SNX33: variants seen among roughly 807,000 people sequenced by gnomAD.
SNX33 encodes the protein sorting nexin 33.
SNX33 carries 19 observed loss-of-function variants against 38.8 expected under a neutral mutation model. The ratio of observed to expected loss-of-function variants is 0.49; its 90% CI spans 0.34 to 0.72. The LOEUF (loss-of-function observed/expected upper bound fraction) is 0.72. Among genes scored for constraint, SNX33 ranks in the 30% least tolerant of loss-of-function variants. SNX33 has a pLI of 0.01. For synonymous variants in SNX33, 246 were observed against 289.7 expected (o/e 0.85, Z 1.53); for missense variants, 641 against 776.4 (o/e 0.83, Z 2.07).
Position 75,657,074 on chromosome 15 carries a change from G to A in SNX33, c.1584G>A (p.Gln528=), listed in dbSNP as rs371320491. The part of the protein sequence containing the change: ...RRCRVVGFAL[Q]AEMNHFHQRR... The stretch of plus-strand genomic sequence containing the variant: ...GCCGCGTGGTGGGTTTCGCCCTGCA[G>A]GCCGAGATGAACCACTTCCACCAGC... Residue 528 remains glutamine, a synonymous_variant, in exon 2 of 2, where the codon CAG becomes CAA. Coordinates refer to ENST00000308527, the MANE Select transcript of SNX33 (RefSeq NM_153271.2). The surrounding 1 kb of genome is among the most constrained non-coding windows in gnomAD (Gnocchi z 5.5). 3.7e-6 allele frequency: 6 copies of A among 1,614,196 alleles called. No homozygotes were observed. The highest frequency in any genetic ancestry group is 5.1e-6 in the Non-Finnish European group (6 of 1,180,018).
At position 75,657,334 on chromosome 15, in the gene SNX33, G is replaced by A. The variant is rs1158834898; in HGVS notation, c.*119G>A. On this transcript the variant is annotated 3_prime_UTR_variant, in exon 2 of 2. Coordinates refer to ENST00000308527, the MANE Select transcript of SNX33 (RefSeq NM_153271.2). This position sits in a 1 kb window ranked among gnomAD's most constrained non-coding sequence, Gnocchi z 5.5. ...GGGGTCAGCGGTGGGGGAGATAAGC[G>A]GCCTGTCCTGCCTCCTGGGAGAAGG... The A allele has an allele frequency of 6.7e-6, 10 of 1,503,042 alleles. No homozygotes were observed. In the East Asian group the frequency reaches 6.8e-5, roughly 10 times the overall value. The allele number at this position is 1,503,042 out of a possible 1,614,324, so 93.1% of individuals were successfully genotyped here.
chr15:75,652,498 C>G (rs1043245531), intron 1 of SNX33, among the ~76,000 whole-genome samples: 1 of 152,202 alleles, frequency 6.6e-6, no homozygotes, highest in African/African-American at 2.4e-5. Flanking sequence ...TTAGGGCAGC[C>G]CCACACCTAG....
At position 75,650,644 on chromosome 15, in the gene SNX33, G is replaced by A; in HGVS notation, c.1471+71G>A. 1.3e-6 allele frequency: 2 copies of A among 1,490,790 alleles called. No individual in the cohort carries two copies. The highest frequency in any genetic ancestry group is 1.8e-6 in the Non-Finnish European group (2 of 1,116,452). The allele number at this position is 1,490,790 out of a possible 1,614,324, so 92.3% of individuals were successfully genotyped here. ...TGCTGGGCCCTGGGGAGATGGGGAT[G>A]GCCTGGATAGAATGGAGCAACTTGT... is the stretch of plus-strand genomic sequence containing the variant. On this transcript the variant is annotated intron_variant, in intron 1 of 1. Transcript: ENST00000308527. The surrounding 1 kb of genome is among the most constrained non-coding windows in gnomAD (Gnocchi z 6.1).
At position 75,649,891 on chromosome 15, in the gene SNX33, C is replaced by T. The variant is rs762089053; in HGVS notation, c.789C>T (p.Val263=). The T allele has an allele frequency of 6.4e-7, 1 of 1,555,174 alleles. No homozygotes were observed. Among genetic ancestry groups the T allele is most frequent in the Non-Finnish European group, 8.7e-7 (1 of 1,153,572 alleles). ...CACCCACCCATGCTGCCTCACCCGT[C>T]TACCGGCGCTACAAACACTTTGACT... The part of the protein sequence containing the change: ...KLTPTHAASP[V]YRRYKHFDWL... Residue 263 remains valine, a synonymous_variant, in exon 1 of 2, where the codon GTC becomes GTT. Coordinates refer to ENST00000308527, the MANE Select transcript of SNX33 (RefSeq NM_153271.2). This position sits in a 1 kb window ranked among gnomAD's most constrained non-coding sequence, Gnocchi z 6.6.
At chr15:75,655,038 C>T (rs553297884) in intron 1 of SNX33, among the ~76,000 whole-genome samples, 2 of 152,358 alleles carry the variant, frequency 1.3e-5, no homozygotes, top group South Asian at 4.1e-4. Flanking sequence ...TTTCTTCACC[C>T]TGCTGTTTTC....
chr15:75,658,361 T>C lies in SNX33; in HGVS notation c.*1146T>C, dbSNP rs1026544587. The stretch of plus-strand genomic sequence containing the variant: ...AGACAGGGGCCTGCTTGCCCAGCCA[T>C]GCGAGGGATTCCATGCCCACCTGCC... On this transcript the variant is annotated 3_prime_UTR_variant, in exon 2 of 2. Coordinates refer to ENST00000308527, the MANE Select transcript of SNX33 (RefSeq NM_153271.2). The surrounding 1 kb of genome is among the most constrained non-coding windows in gnomAD (Gnocchi z 4.1). 6.6e-6 allele frequency: 1 copy of C among 152,632 alleles called. No individual in the cohort carries two copies. Among genetic ancestry groups the C allele is most frequent in the South Asian group, 2.1e-4 (1 of 4,828 alleles). 9.5% of individuals were successfully genotyped at this position (152,632 alleles called of 1,614,324 possible). A position where few individuals can be genotyped will look rare whatever the true frequency, so the allele number is the denominator to read the frequency against.
At position 75,649,500 on chromosome 15, in the gene SNX33, G is replaced by A. The variant is rs758895108; in HGVS notation, c.398G>A (p.Gly133Asp). The A allele has an allele frequency of 6.4e-7, 1 of 1,561,886 alleles. No individual in the cohort carries two copies. Among genetic ancestry groups the A allele is most frequent in the Admixed American group, 1.9e-5 (1 of 54,052 alleles). ...ACAGTGGTGGAGGAGCCACGGGCTG[G>A]TGGGCTGGGCACCAACGGGCACCCT... ...GCTVVEEPRA[G>D]GLGTNGHPPL... is the part of the protein sequence containing the mutation. Residue 133 changes from glycine (G) to aspartate (D), a missense_variant, in exon 1 of 2, where the codon GGT (glycine) becomes GAT (aspartate). Physicochemically the swap from Gly to Asp is moderately conservative, Grantham distance 94. Transcript: ENST00000308527. The surrounding 1 kb of genome is among the most constrained non-coding windows in gnomAD (Gnocchi z 6.6).
Position 75,660,134 on chromosome 15 carries a change from G to A in SNX33, c.*2919G>A, listed in dbSNP as rs567011460. ...TTCCTCCCTTACTTTGCTCTGAGGG[G>A]GTGGAAAACAAGGCTTCTCTTTCTG... On this transcript the variant is annotated 3_prime_UTR_variant, in exon 2 of 2. Coordinates refer to ENST00000308527, the MANE Select transcript of SNX33 (RefSeq NM_153271.2). The A allele has an allele frequency of 6.6e-6, 1 of 152,194 alleles. No individual in the cohort carries two copies. Among genetic ancestry groups the A allele is most frequent in the African/African-American group, 2.4e-5 (1 of 41,426 alleles). The allele number at this position is 152,194 out of a possible 1,614,324, so 9.4% of individuals were successfully genotyped here. A position where few individuals can be genotyped will look rare whatever the true frequency, so the allele number is the denominator to read the frequency against.
Position 75,648,158 on chromosome 15 carries a change from C to A in SNX33, c.-945C>A. The A allele has an allele frequency of 6.1e-6, 6 of 985,580 alleles. No homozygotes were observed. Among genetic ancestry groups the A allele is most frequent in the Non-Finnish European group, 7.2e-6 (6 of 830,068 alleles). 61.1% of individuals were successfully genotyped at this position (985,580 alleles called of 1,614,324 possible). A position where few individuals can be genotyped will look rare whatever the true frequency, so the allele number is the denominator to read the frequency against. On this transcript the variant is annotated 5_prime_UTR_variant, in exon 1 of 2. Coordinates refer to ENST00000308527, the MANE Select transcript of SNX33 (RefSeq NM_153271.2). This position sits in a 1 kb window ranked among gnomAD's most constrained non-coding sequence, Gnocchi z 4.4. ...GGGTCGTAAGTCCCGGGTGAGGAACCGGTTTCTGCTGGGGTTACCTTTGGA... is the reference window on the plus strand; with the variant it reads ...GGGTCGTAAGTCCCGGGTGAGGAACAGGTTTCTGCTGGGGTTACCTTTGGA...
At position 75,650,119 on chromosome 15, in the gene SNX33, G is replaced by A. The variant is rs373107501; in HGVS notation, c.1017G>A (p.Lys339=). 4 of 1,614,024 alleles carry A rather than the reference G, an allele frequency of 2.5e-6. No homozygotes were observed. The highest frequency in any genetic ancestry group is 1.3e-5 in the African/African-American group (1 of 74,928). ...FQHFLSCLDD[K]QWKMGKRRAE... Reference sequence around the variant, plus strand: ...ATTTCCTCAGCTGCCTGGATGACAAGCAGTGGAAGATGGGCAAACGCCGGG... The same window carrying A: ...ATTTCCTCAGCTGCCTGGATGACAAACAGTGGAAGATGGGCAAACGCCGGG... Residue 339 remains lysine (K), a synonymous_variant, in exon 1 of 2, where the codon AAG becomes AAA. Transcript: ENST00000308527. This position sits in a 1 kb window ranked among gnomAD's most constrained non-coding sequence, Gnocchi z 6.1.
In SNX33 at chr15:75,650,121, A is replaced by G. The variant is rs1408936209; in HGVS notation, c.1019A>G (p.Gln340Arg). The change falls in exon 1 of 2, where the codon CAG becomes CGG. Residue 340 changes from glutamine (Q) to arginine (R), a missense_variant. By Grantham distance (43) the Gln-to-Arg change is conservative. Transcript: ENST00000308527. This position sits in a 1 kb window ranked among gnomAD's most constrained non-coding sequence, Gnocchi z 6.1. Reference sequence around the variant, plus strand: ...TTCCTCAGCTGCCTGGATGACAAGCAGTGGAAGATGGGCAAACGCCGGGCG... The same window carrying G: ...TTCCTCAGCTGCCTGGATGACAAGCGGTGGAAGATGGGCAAACGCCGGGCG... ...QHFLSCLDDKQWKMGKRRAEK... is the reference protein window; with the variant it reads ...QHFLSCLDDKRWKMGKRRAEK... The G allele has an allele frequency of 1.9e-5, 31 of 1,614,032 alleles. No individual in the cohort carries two copies. Among genetic ancestry groups the G allele is most frequent in the Non-Finnish European group, 2.5e-5 (30 of 1,180,012 alleles).
rs12438973 is a variant in SNX33 at position 75,648,248 on chromosome 15, A to G, written c.-855A>G. On this transcript the variant is annotated 5_prime_UTR_variant, in exon 1 of 2. Coordinates refer to ENST00000308527, the MANE Select transcript of SNX33 (RefSeq NM_153271.2). The surrounding 1 kb of genome is among the most constrained non-coding windows in gnomAD (Gnocchi z 4.4). ...CAGAAACTGCTGAGGAATTAGGCAAACAAAAGAGACCACTCAGCGAGTGGC... is the reference window on the plus strand; with the variant it reads ...CAGAAACTGCTGAGGAATTAGGCAAGCAAAAGAGACCACTCAGCGAGTGGC... The G allele has an allele frequency of 1.0e-5, 10 of 985,346 alleles. No individual in the cohort carries two copies. The highest frequency in any genetic ancestry group is 1.2e-5 in the Non-Finnish European group (10 of 829,950). 61.0% of individuals were successfully genotyped at this position (985,346 alleles called of 1,614,324 possible).
rs1176703459 is a variant in SNX33, at chr15:75,658,898, C to G, written c.*1683C>G. 6.6e-6 allele frequency: 1 copy of G among 152,368 alleles called. No homozygotes were observed. Among genetic ancestry groups the G allele is most frequent in the Non-Finnish European group, 1.5e-5 (1 of 68,174 alleles). The allele number at this position is 152,368 out of a possible 1,614,324, so 9.4% of individuals were successfully genotyped here. A position where few individuals can be genotyped will look rare whatever the true frequency, so the allele number is the denominator to read the frequency against. On this transcript the variant is annotated 3_prime_UTR_variant, in exon 2 of 2. Transcript: ENST00000308527. The surrounding 1 kb of genome is among the most constrained non-coding windows in gnomAD (Gnocchi z 4.1). ...TCTCTAAAACAGGTGGAGTGCTGCC[C>G]AGGGGACTGGCTGTACTGCCTTGTG...
chr15:75,652,573 A>G (rs1893599640), intron 1 of SNX33, among the ~76,000 whole-genome samples: 1 of 152,198 alleles, frequency 6.6e-6, no homozygotes. Context: ...CTGGGCAGAG[A>G]GACAGAGCTG....
rs1893660708 is a variant in SNX33 at position 75,657,005 on chromosome 15, G to T, written c.1515G>T (p.Glu505Asp). The change falls in exon 2 of 2, where the codon GAG becomes GAT. Residue 505 changes from glutamate (E) to aspartate (D), a missense_variant. Transcript: ENST00000308527. The surrounding 1 kb of genome is among the most constrained non-coding windows in gnomAD (Gnocchi z 5.5). ...KVKESQRMSD[E>D]GRMVQDEADG... is the part of the protein sequence containing the mutation. ...AGGAGAGCCAACGCATGAGTGACGA[G>T]GGCCGCATGGTGCAGGACGAGGCAG... The T allele has an allele frequency of 6.2e-7, 1 of 1,614,046 alleles. No homozygotes were observed.
chr15:75,656,617 T>C (rs1257593244), intron 1 of SNX33, among the ~76,000 whole-genome samples: 1 of 152,168 alleles, frequency 6.6e-6, no homozygotes, highest in Non-Finnish European at 1.5e-5. Flanking sequence ...CAGGATCTGC[T>C]GTGGGCCAGG....
intron 1 of SNX33, among the ~76,000 whole-genome samples, chr15:75,653,035 C>A (rs1375173040): frequency 6.6e-6 from 1 of 152,118 alleles, no homozygotes; most frequent in African/African-American, 2.4e-5. Context: ...AGGATTTGGA[C>A]AAACTTTGCA....
Position 75,649,462 on chromosome 15 carries a change from G to A in SNX33, c.360G>A (p.Trp120Ter). 1 of 1,536,712 alleles carries A rather than the reference G, an allele frequency of 6.5e-7. No individual in the cohort carries two copies. Among genetic ancestry groups the A allele is most frequent in the Non-Finnish European group, 8.8e-7 (1 of 1,139,852 alleles). ...ATGATGATGATGACTGGGATGACTGGGACGACGGATGCACAGTGGTGGAGG... is the reference window on the plus strand; with the variant it reads ...ATGATGATGATGACTGGGATGACTGAGACGACGGATGCACAGTGGTGGAGG... ...EEDDDDDWDD[W>*]DDGCTVVEEP... The change falls in exon 1 of 2, where the codon TGG (tryptophan) becomes TGA (stop). Residue 120 changes from tryptophan to a stop codon, truncating the protein, a stop_gained. Coordinates refer to ENST00000308527, the MANE Select transcript of SNX33 (RefSeq NM_153271.2). LOFTEE classifies it high-confidence loss of function. This position sits in a 1 kb window ranked among gnomAD's most constrained non-coding sequence, Gnocchi z 6.6.
rs932598859 is a variant in SNX33 at position 75,650,654 on chromosome 15, G to C, written c.1471+81G>C. 3.4e-6 allele frequency: 5 copies of C among 1,458,466 alleles called. No individual in the cohort carries two copies. In the East Asian group the frequency reaches 1.2e-4, roughly 34 times the overall value. The allele number at this position is 1,458,466 out of a possible 1,614,324, so 90.3% of individuals were successfully genotyped here. On this transcript the variant is annotated intron_variant, in intron 1 of 1. Coordinates refer to ENST00000308527, the MANE Select transcript of SNX33 (RefSeq NM_153271.2). The surrounding 1 kb of genome is among the most constrained non-coding windows in gnomAD (Gnocchi z 6.1). Reference sequence around the variant, plus strand: ...TGGGGAGATGGGGATGGCCTGGATAGAATGGAGCAACTTGTCTTTATTTCT... The same window carrying C: ...TGGGGAGATGGGGATGGCCTGGATACAATGGAGCAACTTGTCTTTATTTCT...
Sources: gnomAD v4.1 joint callset for allele counts (sites outside exome capture counted in the v4.1 genomes callset) on GRCh38, gnomAD v4.1.1 for gene constraint, Gnocchi (gnomAD v3.1) non-coding constraint, MANE v1.5 for transcripts, NCBI Gene and HGNC (gene_info 2026-07-23, HGNC 2026-07-21) for gene names.